DSP: variants seen among roughly 807,000 people sequenced by gnomAD.
DSP encodes 250/210 kDa paraneoplastic pemphigus antigen.
A neutral mutation model predicts 290.6 loss-of-function variants in DSP; 114 were observed. The observed-to-expected ratio is 0.39, with a 90% CI of 0.34 to 0.46. The LOEUF is 0.46. DSP is among the 20% of genes least tolerant of loss of function. The probability of loss-of-function intolerance (pLI) is 0.99; values close to 1 mark genes in which losing one functional copy is unlikely to be tolerated. For missense variants in DSP, 3,230 were observed against 3,495.8 expected, an observed-to-expected ratio of 0.92 and a Z score of 1.92; for synonymous variants, 1,311 against 1,316.4, an observed-to-expected ratio of 1.00 and a Z score of 0.09.
intron 23 of DSP, 26 bp downstream of exon 23, chr6:7,581,595 T>A (rs768270534): frequency 6.2e-7 from 1 of 1,609,990 alleles, no homozygotes; most frequent in African/African-American, 1.3e-5. Context: ...TGATCACAGC[T>A]TCACTGTTTC....
intron 16 of DSP, among the ~76,000 whole-genome samples, 161 bp downstream of exon 16, chr6:7,574,413 T>C (rs1306232657): frequency 6.6e-6 from 1 of 152,224 alleles, no homozygotes; most frequent in Non-Finnish European, 1.5e-5. Flanking sequence ...TAGCCTCGCA[T>C]GTTAATTCCA....
In DSP at chr6:7,579,955, G is replaced by C; in HGVS notation, c.3765G>C (p.Arg1255Ser). The C allele has an allele frequency of 6.2e-7, 1 of 1,614,146 alleles. No individual in the cohort carries two copies. Among genetic ancestry groups the C allele is most frequent in the Non-Finnish European group, 8.5e-7 (1 of 1,180,038 alleles). Reference sequence around the variant, plus strand: ...GAGATCTGAAGGATGAAATTGTCAGGCTCAATGACAGCATCTTGCAGGCCA... The same window carrying C: ...GAGATCTGAAGGATGAAATTGTCAGCCTCAATGACAGCATCTTGCAGGCCA... ...ENRDLKDEIV[R>S]LNDSILQATE... The change falls in exon 23 of 24, where the codon AGG (arginine) becomes AGC (serine). Residue 1255 changes from arginine to serine, a missense_variant. Coordinates refer to ENST00000379802, the MANE Select transcript of DSP (RefSeq NM_004415.4). The surrounding 1 kb of genome is among the most constrained non-coding windows in gnomAD (Gnocchi z 4.1).
At chr6:7,570,962 A>G (rs1759026078) in intron 13 of DSP, among the ~76,000 whole-genome samples, 1 of 152,130 alleles carries the variant, frequency 6.6e-6, no homozygotes, top group Non-Finnish European at 1.5e-5. Context: ...CTTACTCTAA[A>G]TCAGTTGTTT....
In DSP at chr6:7,583,175, G is replaced by T. The variant is rs373416071; in HGVS notation, c.5913G>T (p.Leu1971=). The change falls in exon 24 of 24, where the codon CTG becomes CTT. Residue 1971 remains leucine, a synonymous_variant. Transcript: ENST00000379802. This position sits in a 1 kb window ranked among gnomAD's most constrained non-coding sequence, Gnocchi z 4.0. ...CCTCCAAGCTGGTGTTTGATGGGCT[G>T]AGGAAGAAGGTGACAGCAATGCAGC... ...VDTSKLVFDG[L]RKKVTAMQLY... 66 of 1,614,022 alleles carry T rather than the reference G, an allele frequency of 4.1e-5. No individual in the cohort carries two copies. Among genetic ancestry groups the T allele is most frequent in the Non-Finnish European group, 4.8e-5 (57 of 1,180,030 alleles).
intron 4 of DSP, among the ~76,000 whole-genome samples, chr6:7,562,042 A>G (rs935426532): frequency 5.3e-5 from 8 of 152,214 alleles, no homozygotes; most frequent in Admixed American, 4.6e-4. Context: ...TAATATTGCC[A>G]ACACTCATGG....
In DSP at chr6:7,584,249, C is replaced by T; in HGVS notation, c.6987C>T (p.Leu2329=). ...GLVGIEFKEK[L]LSAERAVTGY... ...TGGGCATTGAGTTCAAAGAGAAGCT[C>T]CTGTCTGCAGAACGAGCTGTCACTG... Residue 2329 remains leucine (L), a synonymous_variant, in exon 24 of 24, where the codon CTC becomes CTT. Transcript: ENST00000379802. The surrounding 1 kb of genome is among the most constrained non-coding windows in gnomAD (Gnocchi z 6.4). 1 of 1,614,158 alleles carries T rather than the reference C, an allele frequency of 6.2e-7. No individual in the cohort carries two copies. The highest frequency in any genetic ancestry group is 2.2e-5 in the East Asian group (1 of 44,878).
In DSP at chr6:7,579,229, T is replaced by G; in HGVS notation, c.3085-46T>G. The G allele has an allele frequency of 6.2e-7, 1 of 1,609,332 alleles. No homozygotes were observed. Among genetic ancestry groups the G allele is most frequent in the Non-Finnish European group, 8.5e-7 (1 of 1,177,634 alleles). On this transcript the variant is annotated intron_variant, in intron 22 of 23. Coordinates refer to ENST00000379802, the MANE Select transcript of DSP (RefSeq NM_004415.4). The surrounding 1 kb of genome is among the most constrained non-coding windows in gnomAD (Gnocchi z 4.1). ...GAAAAGTACTGCTTCTTTCTTGGAA[T>G]GTGAGGTGTTTTTCTTTTGACATAA... is the stretch of plus-strand genomic sequence containing the variant.
chr6:7,560,602 G>A (rs1007500695), intron 4 of DSP, among the ~76,000 whole-genome samples: 5 of 152,144 alleles, frequency 3.3e-5, no homozygotes, highest in South Asian at 2.1e-4. Context: ...AGATGCATAC[G>A]CTCAAATGCC....
Position 7,569,249 on chromosome 6 carries a change from G to A in DSP, c.1483G>A (p.Val495Met), listed in dbSNP as rs372014020. The A allele has an allele frequency of 1.1e-4, 176 of 1,614,082 alleles. 2 individuals carry two copies. The highest frequency in any genetic ancestry group is 2.5e-5 in the Non-Finnish European group (30 of 1,180,030). ...KDNNERSKWY[V>M]TGPGGVDMLV... ...CAACAACGAGCGCAGCAAGTGGTAC[G>A]TGACGGGCCCGGGAGGCGTTGACAT... Residue 495 changes from valine to methionine, a missense_variant, in exon 12 of 24, where the codon GTG becomes ATG. This residue lies in a region of DSP where 646 missense variants were observed against 684.3 expected (regional missense o/e 0.94). Coordinates refer to ENST00000379802, the MANE Select transcript of DSP (RefSeq NM_004415.4).
chr6:7,573,489 A>G (rs548343151), intron 15 of DSP, among the ~76,000 whole-genome samples: 1 of 152,150 alleles, frequency 6.6e-6, no homozygotes, highest in South Asian at 2.1e-4. Flanking sequence ...GAGGCAGGAG[A>G]ATCGCTTGAA....
Position 7,577,839 on chromosome 6 carries a change from A to G in DSP, c.2938A>G (p.Ile980Val). ...SGLETLLNIP[I>V]KRTMIQSPSG... ...ACTGGAAACTCTGCTGAACATACCT[A>G]TCAAGAGGACCATGATTCAGTCCCC... Residue 980 changes from isoleucine (I) to valine (V), a missense_variant, in exon 21 of 24, where the codon ATC (isoleucine) becomes GTC (valine). By Grantham distance (29) the Ile-to-Val change is conservative (BLOSUM62 3). This residue lies in a region of DSP where 1,714 missense variants were observed against 1,844.5 expected (regional missense o/e 0.93). Transcript: ENST00000379802. 1 of 1,614,184 alleles carries G rather than the reference A, an allele frequency of 6.2e-7. No homozygotes were observed.
Position 7,585,013 on chromosome 6 carries a change from G to C in DSP, c.7751G>C (p.Ser2584Thr). The C allele has an allele frequency of 6.2e-7, 1 of 1,614,196 alleles. No individual in the cohort carries two copies. The highest frequency in any genetic ancestry group is 8.5e-7 in the Non-Finnish European group (1 of 1,180,038). ...GGTGTCAGCGATGATGTTTTTAGCA[G>C]CTCCCGACATGAATCAGTAAGTAAG... ...GSGVSDDVFS[S>T]SRHESVSKIS... Residue 2584 changes from serine (S) to threonine (T), a missense_variant, in exon 24 of 24, where the codon AGC becomes ACC. Physicochemically the swap from Ser to Thr is moderately conservative, Grantham distance 58. Coordinates refer to ENST00000379802, the MANE Select transcript of DSP (RefSeq NM_004415.4).
At position 7,580,668 on chromosome 6, in the gene DSP, A is replaced by C. The variant is rs760433367; in HGVS notation, c.4478A>C (p.Glu1493Ala). Residue 1493 changes from glutamate (E) to alanine (A), a missense_variant, in exon 23 of 24, where the codon GAA becomes GCA. Glu to Ala is a moderately radical substitution (Grantham distance 107, BLOSUM62 -1). Around this residue, in one of 5 missense-constraint regions of DSP, gnomAD observed 1,714 missense variants for 1,844.5 expected, o/e 0.93. Coordinates refer to ENST00000379802, the MANE Select transcript of DSP (RefSeq NM_004415.4). The surrounding 1 kb of genome is among the most constrained non-coding windows in gnomAD (Gnocchi z 4.2). The part of the protein sequence containing the change: ...IERLKQLIDK[E>A]TNDRKCLEDE... The stretch of plus-strand genomic sequence containing the variant: ...AGGTTAAAACAACTGATCGACAAAG[A>C]AACAAATGACCGGAAATGCCTGGAA... The C allele has an allele frequency of 2.2e-5, 36 of 1,613,978 alleles. No homozygotes were observed. Among genetic ancestry groups the C allele is most frequent in the Non-Finnish European group, 3.1e-5 (36 of 1,180,034 alleles).
intron 4 of DSP, among the ~76,000 whole-genome samples, chr6:7,561,428 A>G (rs2757632): frequency 0.41 from 61,815 of 151,892 alleles, 13,299 homozygotes; most frequent in African/African-American, 0.47. Context: ...GCTTTACCTC[A>G]TTCCCAGGAG....
chr6:7,583,849 C>T lies in DSP; in HGVS notation c.6587C>T (p.Thr2196Ile), dbSNP rs958098310. 6.2e-7 allele frequency: 1 copy of T among 1,614,014 alleles called. No homozygotes were observed. Among genetic ancestry groups the T allele is most frequent in the African/African-American group, 1.3e-5 (1 of 74,908 alleles). The change falls in exon 24 of 24, where the codon ACT (threonine) becomes ATT (isoleucine). Residue 2196 changes from threonine to isoleucine, a missense_variant. Thr to Ile is a moderately conservative substitution (Grantham distance 89). Transcript: ENST00000379802. This position sits in a 1 kb window ranked among gnomAD's most constrained non-coding sequence, Gnocchi z 4.0. ...LKERCRIEPHTGLLLLSVQKR... is the reference protein window; with the variant it reads ...LKERCRIEPHIGLLLLSVQKR... ...GAACGGTGCAGAATCGAACCACATACTGGTCTGCTCTTGCTTTCAGTACAG... is the reference window on the plus strand; with the variant it reads ...GAACGGTGCAGAATCGAACCACATATTGGTCTGCTCTTGCTTTCAGTACAG...
rs1214660308 is a variant in DSP, at chr6:7,542,078, G to T, written c.163G>T (p.Gly55Cys). Residue 55 changes from glycine to cysteine, a missense_variant, in exon 1 of 24, where the codon GGC becomes TGC. Physicochemically the swap from Gly to Cys is radical, Grantham distance 159. This residue lies in a region of DSP where 646 missense variants were observed against 684.3 expected (regional missense o/e 0.94). Coordinates refer to ENST00000379802, the MANE Select transcript of DSP (RefSeq NM_004415.4). ...CGTGATCACCGACCAGAACTCGGAC[G>T]GCTACTGGTGGGTACCTGCCCGGAG... ...RGVITDQNSDGYCQTGTMSRH... is the reference protein window; with the variant it reads ...RGVITDQNSDCYCQTGTMSRH... 1.9e-6 allele frequency: 3 copies of T among 1,561,110 alleles called. No individual in the cohort carries two copies. The East Asian group carries it at 7.2e-5, about 37-fold the overall frequency.
rs1439469699 is a variant in DSP, at chr6:7,582,995, G to A, written c.5733G>A (p.Glu1911=). 7 of 1,614,112 alleles carry A rather than the reference G, an allele frequency of 4.3e-6. No homozygotes were observed. Among genetic ancestry groups the A allele is most frequent in the Non-Finnish European group, 5.9e-6 (7 of 1,180,036 alleles). Residue 1911 remains glutamate (E), a synonymous_variant, in exon 24 of 24, where the codon GAG becomes GAA. Coordinates refer to ENST00000379802, the MANE Select transcript of DSP (RefSeq NM_004415.4). The surrounding 1 kb of genome is among the most constrained non-coding windows in gnomAD (Gnocchi z 4.2). ...RLQAEIKRIE[E]RCRRKLEDST... ...AAGCAGAGATCAAGAGAATTGAAGA[G>A]AGGTGCAGGCGTAAGCTGGAGGATT... is the stretch of plus-strand genomic sequence containing the variant.
Position 7,572,054 on chromosome 6 carries a change from A to G in DSP, c.2116A>G (p.Ile706Val). 1 of 1,614,114 alleles carries G rather than the reference A, an allele frequency of 6.2e-7. No homozygotes were observed. The highest frequency in any genetic ancestry group is 8.5e-7 in the Non-Finnish European group (1 of 1,179,980). The stretch of plus-strand genomic sequence containing the variant: ...ATCTTCTCACCACATCACAGTGAAA[A>G]TTAACGAGCTTAAGGTAGGTATCTG... The part of the protein sequence containing the change: ...QGSSHHITVK[I>V]NELKSVQNDS... The change falls in exon 15 of 24, where the codon ATT (isoleucine) becomes GTT (valine). Residue 706 changes from isoleucine to valine, a missense_variant. By Grantham distance (29) the Ile-to-Val change is conservative. Around this residue, in one of 5 missense-constraint regions of DSP, gnomAD observed 1,714 missense variants for 1,844.5 expected, o/e 0.93. Coordinates refer to ENST00000379802, the MANE Select transcript of DSP (RefSeq NM_004415.4).
intron 8 of DSP, 105 bp downstream of exon 8, chr6:7,566,586 T>C: frequency 1.1e-6 from 1 of 946,200 alleles, no homozygotes; most frequent in East Asian, 2.6e-5. Context: ...CGTGCCAACT[T>C]TATTTTCTAT....
Sources: gnomAD v4.1 joint callset for allele counts (sites outside exome capture counted in the v4.1 genomes callset) on GRCh38, gnomAD v4.1.1 for gene constraint, gnomAD v4.1.1 regional missense constraint, Gnocchi (gnomAD v3.1) non-coding constraint, MANE v1.5 for transcripts, NCBI Gene and HGNC (gene_info 2026-07-23, HGNC 2026-07-21) for gene names.